ADGRB3: variants seen among roughly 807,000 people sequenced by gnomAD.
ADGRB3 encodes the protein adhesion G protein-coupled receptor B3, also known as brain-specific angiogenesis inhibitor 3.
A neutral mutation model predicts 193.4 loss-of-function variants in ADGRB3; 37 were observed. That is an observed-to-expected ratio of 0.19 (90% CI 0.15 to 0.25). ADGRB3 has a LOEUF of 0.25. Among genes scored for constraint, ADGRB3 ranks in the 10% least tolerant of loss-of-function variants. The pLI, the probability that ADGRB3 is intolerant of heterozygous loss-of-function variation, is 1.00. For synonymous variants in ADGRB3, 690 were observed against 644.2 expected, an observed-to-expected ratio of 1.07 and a Z score of -1.08; for missense variants, 1,637 against 1,852.9, an observed-to-expected ratio of 0.88 and a Z score of 2.14.
chr6:68,758,541 A>T (rs1203459697), intron 3 of ADGRB3, among the ~76,000 whole-genome samples: 2 of 151,962 alleles, frequency 1.3e-5, no homozygotes, highest in Non-Finnish European at 2.9e-5. Flanking sequence ...GTCGTCTATG[A>T]TTTTGTCTTA....
intron 3 of ADGRB3, among the ~76,000 whole-genome samples, chr6:68,670,724 A>T (rs1768930520): frequency 1.3e-5 from 2 of 152,018 alleles, no homozygotes; most frequent in South Asian, 4.2e-4. Flanking sequence ...TTTGCTTAGG[A>T]TAGCTTTAGC....
intron 3 of ADGRB3, among the ~76,000 whole-genome samples, chr6:68,875,674 A>G (rs1010062797): frequency 3.3e-5 from 5 of 152,112 alleles, no homozygotes; most frequent in Non-Finnish European, 7.4e-5. Flanking sequence ...GGCCTTGTAG[A>G]TCCCAAAGTA....
At chr6:68,875,549 T>G (rs1407232817) in intron 3 of ADGRB3, among the ~76,000 whole-genome samples, 2 of 151,892 alleles carry the variant, frequency 1.3e-5, no homozygotes, top group African/African-American at 4.8e-5. Flanking sequence ...TTATTCCTGA[T>G]GTATGACTAT....
At chr6:68,724,895 A>ATTGTT (rs1765646811) in intron 3 of ADGRB3, among the ~76,000 whole-genome samples, 1 of 151,738 alleles carries the variant, frequency 6.6e-6, no homozygotes, top group Non-Finnish European at 1.5e-5. Flanking sequence ...GTTTATAACA[A>ATTGTT]AGGCATGTTT....
At chr6:68,867,807 C>A (rs1348360779) in intron 3 of ADGRB3, among the ~76,000 whole-genome samples, 1 of 152,162 alleles carries the variant, frequency 6.6e-6, no homozygotes, top group Non-Finnish European at 1.5e-5. Flanking sequence ...GACTGTCCTG[C>A]TGGGTTTCAG....
chr6:68,891,691 C>G (rs1211701921), intron 3 of ADGRB3, among the ~76,000 whole-genome samples: 1 of 152,106 alleles, frequency 6.6e-6, no homozygotes, highest in Non-Finnish European at 1.5e-5. Flanking sequence ...TTATGAGTGT[C>G]TTGAATTTAA....
chr6:69,368,590 C>G, intron 29 of ADGRB3, among the ~76,000 whole-genome samples: 1 of 151,798 alleles, frequency 6.6e-6, no homozygotes, highest in East Asian at 1.9e-4. Context: ...ATTATGGTAT[C>G]CAGAAGAGAA....
intron 20 of ADGRB3, among the ~76,000 whole-genome samples, chr6:69,265,872 A>G (rs1767028988): frequency 1.3e-5 from 2 of 152,002 alleles, no homozygotes; most frequent in South Asian, 4.1e-4. Context: ...TAGAAGACAA[A>G]TGACTCTTTC....
chr6:68,934,166 ATAGG>A (rs1481252953), intron 4 of ADGRB3, among the ~76,000 whole-genome samples: 11 of 152,260 alleles, frequency 7.2e-5, no homozygotes, highest in African/African-American at 2.2e-4. Context: ...GAACATTTTG[ATAGG>A]TAGGCCACTA....
chr6:68,789,149 T>C (rs1767044180), intron 3 of ADGRB3, among the ~76,000 whole-genome samples: 1 of 151,050 alleles, frequency 6.6e-6, no homozygotes, highest in Admixed American at 6.6e-5. Flanking sequence ...ATTTAGCCCA[T>C]TTACATTTAA....
intron 3 of ADGRB3, among the ~76,000 whole-genome samples, chr6:68,663,308 GA>G (rs946411918): frequency 4.6e-5 from 7 of 151,316 alleles, no homozygotes; most frequent in African/African-American, 1.7e-4. Context: ...CCTGATTTTT[GA>G]ATCAAGCTTT....
intron 13 of ADGRB3, among the ~76,000 whole-genome samples, chr6:69,047,084 C>A (rs1771259123): frequency 6.6e-6 from 1 of 152,170 alleles, no homozygotes; most frequent in African/African-American, 2.4e-5. Context: ...TGGTCTCGAT[C>A]TCCTGACCTC....
chr6:69,135,149 G>A (rs950999660), intron 17 of ADGRB3, among the ~76,000 whole-genome samples: 10 of 152,110 alleles, frequency 6.6e-5, no homozygotes, highest in Middle Eastern at 6.8e-3. Flanking sequence ...ATAAAAAGAA[G>A]CTTTTAAAAT....
At chr6:69,092,465 A>C (rs1582454468) in intron 17 of ADGRB3, among the ~76,000 whole-genome samples, 1 of 152,154 alleles carries the variant, frequency 6.6e-6, no homozygotes. Flanking sequence ...CCCCGTCCCC[A>C]CCCTATTCCA....
chr6:68,636,658 A>G (rs1188568759), intron 1 of ADGRB3, among the ~76,000 whole-genome samples: 1 of 152,124 alleles, frequency 6.6e-6, no homozygotes, highest in Non-Finnish European at 1.5e-5. Context: ...AATAAAGAGC[A>G]TTATATTGAG....
At chr6:69,173,450 T>C (rs1775341285) in intron 17 of ADGRB3, among the ~76,000 whole-genome samples, 1 of 152,242 alleles carries the variant, frequency 6.6e-6, no homozygotes, top group Admixed American at 6.5e-5. Flanking sequence ...TATTTACTTC[T>C]GAATTTATAT....
chr6:69,332,333 T>A (rs1005339745), intron 23 of ADGRB3: 13 of 985,282 alleles, frequency 1.3e-5, no homozygotes, highest in Non-Finnish European at 1.4e-5. Context: ...AAATTGGCAC[T>A]AGTGTCCATT....
chr6:68,672,998 A>G (rs920444523), intron 3 of ADGRB3, among the ~76,000 whole-genome samples: 3 of 151,926 alleles, frequency 2.0e-5, no homozygotes, highest in Non-Finnish European at 2.9e-5. Flanking sequence ...CTCCACAATT[A>G]TGTGAGCCAA....
intron 3 of ADGRB3, among the ~76,000 whole-genome samples, chr6:68,913,087 T>G (rs13202315): frequency 0.27 from 40,902 of 152,210 alleles, 6,633 homozygotes; most frequent in Middle Eastern, 0.51. Context: ...GAGGCCTGCC[T>G]GCCTCTGTAG....
Sources: allele counts gnomAD v4.1 joint callset (sites outside exome capture counted in the v4.1 genomes callset), GRCh38; gene constraint gnomAD v4.1.1; transcripts MANE v1.5; gene names NCBI Gene and HGNC (gene_info 2026-07-23, HGNC 2026-07-21).